Variants in SP1 observed in about 807,000 individuals in gnomAD.
SP1 encodes the protein transcription factor Sp1.
Under a neutral mutation model 66.3 loss-of-function variants are expected in SP1, and 6 were observed. That is an observed-to-expected ratio of 0.09 (90% CI 0.05 to 0.18). SP1 has a LOEUF of 0.18. SP1 is among the 10% of genes least tolerant of loss of function. The pLI is 1.00. For missense variants in SP1, 848 were observed against 964.5 expected (o/e 0.88, Z 1.60); for synonymous variants, 417 against 360.8 (o/e 1.16, Z -1.77).
intron 3 of SP1, among the ~76,000 whole-genome samples, chr12:53,386,498 T>TC (rs1555196781): frequency 0.01 from 1,473 of 143,786 alleles, 20 homozygotes; most frequent in African/African-American, 0.038. Context: ...TTTTTTTTTT[T>TC]CATTTTTGAG....
At chr12:53,399,784 A>G (rs753891408) in intron 3 of SP1, among the ~76,000 whole-genome samples, 2 of 151,794 alleles carry the variant, frequency 1.3e-5, no homozygotes, top group Non-Finnish European at 2.9e-5. Flanking sequence ...ATTACAGGCC[A>G]CCACACCCGG....
intron 4 of SP1, among the ~76,000 whole-genome samples, chr12:53,408,312 C>T (rs1445263006): frequency 6.7e-6 from 1 of 149,398 alleles, no homozygotes; most frequent in Non-Finnish European, 1.5e-5. Flanking sequence ...TCTCGGCTCA[C>T]TGCAACCTCC....
rs781045537 is a variant in SP1 at position 53,383,128 on chromosome 12, C to T, written c.1181C>T (p.Thr394Ile). 2 of 1,614,216 alleles carry T rather than the reference C, an allele frequency of 1.2e-6. No individual in the cohort carries two copies. Among genetic ancestry groups the T allele is most frequent in the South Asian group, 2.2e-5 (2 of 91,092 alleles). Residue 394 changes from threonine (T) to isoleucine (I), a missense_variant, in exon 3 of 6, where the codon ACA (threonine) becomes ATA (isoleucine). Thr to Ile is a moderately conservative substitution (Grantham distance 89, BLOSUM62 -1). Coordinates refer to ENST00000327443, the MANE Select transcript of SP1 (RefSeq NM_138473.3). ...AAAGAAGGAGAGCAAAACCAGCAGA[C>T]ACAGCAGCAACAAATTCTTATCCAG... Reference protein sequence around the residue: ...QQKEGEQNQQTQQQQILIQPQ... With the variant: ...QQKEGEQNQQIQQQQILIQPQ...
chr12:53,399,553 G>A (rs1346637836), intron 3 of SP1, among the ~76,000 whole-genome samples: 3 of 152,062 alleles, frequency 2.0e-5, no homozygotes, highest in African/African-American at 7.2e-5. Flanking sequence ...GAATGGTCTC[G>A]ATCTCCTGAC....
intron 3 of SP1, among the ~76,000 whole-genome samples, chr12:53,387,919 G>T (rs148135269): frequency 3.6e-4 from 55 of 152,230 alleles, no homozygotes; most frequent in African/African-American, 1.2e-3. Flanking sequence ...CTGGGAGGCA[G>T]AGCGTGCAGT....
At chr12:53,408,340 A>T (rs1938798224) in intron 4 of SP1, among the ~76,000 whole-genome samples, 1 of 150,194 alleles carries the variant, frequency 6.7e-6, no homozygotes, top group Non-Finnish European at 1.5e-5. Context: ...AGGTTCAAGC[A>T]ATTCCTCTGC....
rs1938917729 is a variant in SP1, at chr12:53,412,624, G to T, written c.*1384G>T. The T allele has an allele frequency of 6.6e-6, 1 of 152,510 alleles. No individual in the cohort carries two copies. The highest frequency in any genetic ancestry group is 2.1e-4 in the South Asian group (1 of 4,832). The allele number at this position is 152,510 out of a possible 1,614,324, so 9.4% of individuals were successfully genotyped here. A position where few individuals can be genotyped will look rare whatever the true frequency, so the allele number is the denominator to read the frequency against. Reference sequence around the variant, plus strand: ...CTTAACTTTTCCTTGTATGTTCTTGGGTGGTTCCTAAGGGAAAGGGAAGCA... The same window carrying T: ...CTTAACTTTTCCTTGTATGTTCTTGTGTGGTTCCTAAGGGAAAGGGAAGCA... On this transcript the variant is annotated 3_prime_UTR_variant, in exon 6 of 6. Coordinates refer to ENST00000327443, the MANE Select transcript of SP1 (RefSeq NM_138473.3).
chr12:53,411,495 C>T lies in SP1; in HGVS notation c.*255C>T. 2.5e-6 allele frequency: 1 copy of T among 394,264 alleles called. No individual in the cohort carries two copies. The highest frequency in any genetic ancestry group is 4.5e-6 in the Non-Finnish European group (1 of 221,172). The allele number at this position is 394,264 out of a possible 1,614,324, so 24.4% of individuals were successfully genotyped here. On this transcript the variant is annotated 3_prime_UTR_variant, in exon 6 of 6. Transcript: ENST00000327443. Reference sequence around the variant, plus strand: ...CGCTTTGATGAGCATTTGTTTGACCCCAGTTTCTTCTTACACTTCTTACCC... The same window carrying T: ...CGCTTTGATGAGCATTTGTTTGACCTCAGTTTCTTCTTACACTTCTTACCC...
chr12:53,381,924 G>C (rs774595280), intron 2 of SP1, 111 bp downstream of exon 2: 308 of 1,297,048 alleles, frequency 2.4e-4, no homozygotes, highest in Non-Finnish European at 3.2e-4. Context: ...CCATTTTATA[G>C]ATAAGGAAGT....
At chr12:53,402,510 T>C (rs1938630006) in intron 3 of SP1, among the ~76,000 whole-genome samples, 1 of 149,442 alleles carries the variant, frequency 6.7e-6, no homozygotes, top group Non-Finnish European at 1.5e-5. Flanking sequence ...GCGTGAGCCG[T>C]TGCGCCCGGC....
chr12:53,383,308 C>T lies in SP1; in HGVS notation c.1361C>T (p.Pro454Leu). The T allele has an allele frequency of 6.2e-7, 1 of 1,614,194 alleles. No individual in the cohort carries two copies. The highest frequency in any genetic ancestry group is 8.5e-7 in the Non-Finnish European group (1 of 1,180,032). The change falls in exon 3 of 6, where the codon CCA (proline) becomes CTA (leucine). Residue 454 changes from proline (P) to leucine (L), a missense_variant. Pro to Leu is a moderately conservative substitution (Grantham distance 98, BLOSUM62 -3). Transcript: ENST00000327443. ...TCTGGTCCCATCATCATCCGGACAC[C>T]AACAGTGGGGCCCAATGGACAGGTC... The part of the protein sequence containing the change: ...PNSGPIIIRT[P>L]TVGPNGQVSW...
Position 53,382,664 on chromosome 12 carries a change from A to C in SP1, c.717A>C (p.Gln239His). ...PNLLQQAVPL[Q>H]GLANNVLSGQ... Reference sequence around the variant, plus strand: ...TACTCCAGCAGGCTGTCCCCCTCCAAGGCCTGGCTAATAATGTACTCTCAG... The same window carrying C: ...TACTCCAGCAGGCTGTCCCCCTCCACGGCCTGGCTAATAATGTACTCTCAG... The change falls in exon 3 of 6, where the codon CAA becomes CAC. Residue 239 changes from glutamine to histidine, a missense_variant. By Grantham distance (24) the Gln-to-His change is conservative. Coordinates refer to ENST00000327443, the MANE Select transcript of SP1 (RefSeq NM_138473.3). 6.2e-7 allele frequency: 1 copy of C among 1,614,158 alleles called. No individual in the cohort carries two copies. Among genetic ancestry groups the C allele is most frequent in the Non-Finnish European group, 8.5e-7 (1 of 1,180,020 alleles).
intron 3 of SP1, among the ~76,000 whole-genome samples, chr12:53,388,802 A>G (rs898853128): frequency 6.6e-6 from 1 of 151,986 alleles, no homozygotes; most frequent in African/African-American, 2.4e-5. Context: ...CAACATAGGG[A>G]TCCCCCATCT....
At chr12:53,399,513 A>G (rs954252783) in intron 3 of SP1, among the ~76,000 whole-genome samples, 1 of 152,044 alleles carries the variant, frequency 6.6e-6, no homozygotes, top group African/African-American at 2.4e-5. Flanking sequence ...TTGTATTTTT[A>G]GTAGAGACCG....
At chr12:53,405,107 C>T (rs1242378708) in intron 3 of SP1, among the ~76,000 whole-genome samples, 1 of 151,978 alleles carries the variant, frequency 6.6e-6, no homozygotes, top group Non-Finnish European at 1.5e-5. Flanking sequence ...CCTCGGCCTC[C>T]CAAAGTGCTG....
At chr12:53,408,654 C>A (rs1161217124) in intron 4 of SP1, among the ~76,000 whole-genome samples, 1 of 151,370 alleles carries the variant, frequency 6.6e-6, no homozygotes, top group African/African-American at 2.4e-5. Context: ...CGCCTGTAAT[C>A]CCAGCACTTT....
chr12:53,409,241 A>C, intron 4 of SP1, 121 bp from the exon 5 acceptor site: 2 of 788,172 alleles, frequency 2.5e-6, no homozygotes, highest in Non-Finnish European at 4.0e-6. Context: ...AAAAAAGAAG[A>C]CTTTTTCAAA....
chr12:53,401,240 C>T lies in SP1; in HGVS notation c.1676-5345C>T, dbSNP rs374385485. ...CCAAGGCGGGTGGATCACCTGAGGT[C>T]GGGAGTTCGAGACCAGCCTGACCAA... On this transcript the variant is annotated intron_variant, in intron 3 of 5. Coordinates refer to ENST00000327443, the MANE Select transcript of SP1 (RefSeq NM_138473.3). 3.3e-5 allele frequency among the ~76,000 whole-genome samples: 5 copies of T among 151,456 alleles called. No individual in the cohort carries two copies. The South Asian group carries it at 1.1e-3, about 32-fold the overall frequency.
In SP1 at chr12:53,383,149, T is replaced by A. The variant is rs748626966; in HGVS notation, c.1202T>A (p.Ile401Asn). The A allele has an allele frequency of 6.2e-7, 1 of 1,614,176 alleles. No homozygotes were observed. The highest frequency in any genetic ancestry group is 1.7e-5 in the Admixed American group (1 of 60,018). Residue 401 changes from isoleucine (I) to asparagine (N), a missense_variant, in exon 3 of 6, where the codon ATC becomes AAC. By Grantham distance (149) the Ile-to-Asn change is moderately radical. Around this residue, in one of 7 missense-constraint regions of SP1, gnomAD observed 606 missense variants for 589.9 expected, o/e 1.03. Coordinates refer to ENST00000327443, the MANE Select transcript of SP1 (RefSeq NM_138473.3). ...CAGACACAGCAGCAACAAATTCTTA[T>A]CCAGCCTCAGCTAGTTCAAGGGGGA... ...NQQTQQQQILIQPQLVQGGQA... is the reference protein window; with the variant it reads ...NQQTQQQQILNQPQLVQGGQA...
Sources: allele counts gnomAD v4.1 joint callset (sites outside exome capture counted in the v4.1 genomes callset), GRCh38; gene constraint gnomAD v4.1.1; regional missense constraint gnomAD v4.1.1; transcripts MANE v1.5; gene names NCBI Gene and HGNC (gene_info 2026-07-23, HGNC 2026-07-21).